The following GPC5 variants were observed in gnomAD, a reference collection of about 807,000 sequenced individuals.
The protein encoded by GPC5 is glypican 5, also known as glypican-5.
A neutral mutation model predicts 53.9 loss-of-function variants in GPC5; 47 were observed. The observed-to-expected ratio is 0.87, with a 90% CI of 0.69 to 1.11. The LOEUF (loss-of-function observed/expected upper bound fraction) is 1.11, where lower values mean the gene tolerates loss of function less well. Among genes scored for constraint, GPC5 ranks in the 50% most tolerant of loss-of-function variants. The probability of loss-of-function intolerance (pLI) is 0.00; values close to 1 mark genes in which losing one functional copy is unlikely to be tolerated. For missense variants in GPC5, 748 were observed against 713.1 expected (o/e 1.05, Z -0.56); for synonymous variants, 286 against 263.3 (o/e 1.09, Z -0.84).
intron 5 of GPC5, among the ~76,000 whole-genome samples, chr13:91,778,506 A>G (rs965605842): frequency 6.6e-6 from 1 of 152,100 alleles, no homozygotes; most frequent in African/African-American, 2.4e-5. Flanking sequence ...CCACCCATTT[A>G]GTTCTCTGTT....
intron 6 of GPC5, among the ~76,000 whole-genome samples, chr13:92,036,057 C>A (rs2040890745): frequency 1.3e-5 from 2 of 152,168 alleles, no homozygotes; most frequent in Non-Finnish European, 2.9e-5. Flanking sequence ...ATCACATCAA[C>A]CATATGTAAA....
At chr13:92,384,239 A>G (rs570073339) in intron 7 of GPC5, among the ~76,000 whole-genome samples, 1 of 152,166 alleles carries the variant, frequency 6.6e-6, no homozygotes, top group South Asian at 2.1e-4. Flanking sequence ...TTGTACAAGA[A>G]ATGGATGATT....
intron 2 of GPC5, among the ~76,000 whole-genome samples, chr13:91,660,678 A>G (rs1254790674): frequency 6.6e-6 from 1 of 152,220 alleles, no homozygotes; most frequent in African/African-American, 2.4e-5. Flanking sequence ...TAATCAGATC[A>G]CCAGGAAATT....
At chr13:92,268,809 C>T (rs2042820693) in intron 7 of GPC5, among the ~76,000 whole-genome samples, 2 of 152,118 alleles carry the variant, frequency 1.3e-5, no homozygotes, top group South Asian at 4.1e-4. Flanking sequence ...TATGTGAATA[C>T]TTTTTCTTAT....
chr13:92,266,468 G>T (rs2042803054), intron 7 of GPC5, among the ~76,000 whole-genome samples: 1 of 151,998 alleles, frequency 6.6e-6, no homozygotes, highest in South Asian at 2.1e-4. Flanking sequence ...CCCCATATAG[G>T]ATATAGGAAG....
intron 6 of GPC5, among the ~76,000 whole-genome samples, chr13:92,067,413 T>C (rs7997911): frequency 3.0e-3 from 452 of 152,158 alleles, no homozygotes; most frequent in African/African-American, 0.01. Context: ...ATCCCTTGTG[T>C]ATGCAAACAA....
intron 6 of GPC5, among the ~76,000 whole-genome samples, chr13:92,001,486 CT>C (rs938570687): frequency 6.6e-6 from 1 of 152,020 alleles, no homozygotes; most frequent in Non-Finnish European, 1.5e-5. Context: ...AAGTTTCTCT[CT>C]TGCCTACTTT....
At chr13:92,276,170 C>T (rs539909862) in intron 7 of GPC5, among the ~76,000 whole-genome samples, 1 of 152,226 alleles carries the variant, frequency 6.6e-6, no homozygotes, top group South Asian at 2.1e-4. Flanking sequence ...GCTGATACAA[C>T]ATAAAGCTGG....
chr13:92,859,704 G>C (rs1879117606), intron 7 of GPC5, among the ~76,000 whole-genome samples: 1 of 151,882 alleles, frequency 6.6e-6, no homozygotes, highest in African/African-American at 2.4e-5. Flanking sequence ...ATGCAAAAAT[G>C]ACCTTTTAAA....
chr13:92,430,510 T>C (rs1341817516), intron 7 of GPC5, among the ~76,000 whole-genome samples: 1 of 151,348 alleles, frequency 6.6e-6, no homozygotes, highest in African/African-American at 2.4e-5. Flanking sequence ...ATGTGTTTAC[T>C]TGAAACAGAC....
intron 7 of GPC5, among the ~76,000 whole-genome samples, chr13:92,774,632 A>G (rs1348702217): frequency 6.6e-6 from 1 of 152,184 alleles, no homozygotes. Flanking sequence ...GACTTCTCTT[A>G]ATCATCCATA....
chr13:91,974,740 G>A (rs2040281212), intron 6 of GPC5, among the ~76,000 whole-genome samples: 1 of 152,110 alleles, frequency 6.6e-6, no homozygotes, highest in Non-Finnish European at 1.5e-5. Context: ...AGTTACCAAT[G>A]ACTTTCCTCA....
intron 5 of GPC5, among the ~76,000 whole-genome samples, chr13:91,765,109 C>G (rs1439495142): frequency 1.3e-5 from 2 of 152,210 alleles, no homozygotes; most frequent in Non-Finnish European, 2.9e-5. Flanking sequence ...GCAGCTGCCT[C>G]TCTTTACTCT....
chr13:92,308,371 A>G (rs558506322), intron 7 of GPC5, among the ~76,000 whole-genome samples: 15 of 152,264 alleles, frequency 9.9e-5, no homozygotes, highest in African/African-American at 3.6e-4. Flanking sequence ...TAGAAGTGAC[A>G]TTTTGTTTTT....
At chr13:92,606,856 T>C (rs1489810945) in intron 7 of GPC5, among the ~76,000 whole-genome samples, 1 of 152,180 alleles carries the variant, frequency 6.6e-6, no homozygotes, top group Non-Finnish European at 1.5e-5. Flanking sequence ...AGTCTGGTAG[T>C]ACGGTACAAT....
At chr13:92,776,507 C>CA (rs1461064917) in intron 7 of GPC5, among the ~76,000 whole-genome samples, 1 of 152,196 alleles carries the variant, frequency 6.6e-6, no homozygotes, top group African/African-American at 2.4e-5. Flanking sequence ...GTAACACACT[C>CA]AGAGATTCTG....
chr13:91,653,143 C>G (rs1356813404), intron 2 of GPC5, among the ~76,000 whole-genome samples: 3 of 152,204 alleles, frequency 2.0e-5, no homozygotes, highest in South Asian at 4.1e-4. Flanking sequence ...GATGACAACT[C>G]CAGTAATGAG....
intron 7 of GPC5, among the ~76,000 whole-genome samples, chr13:92,264,321 C>T (rs1299851725): frequency 2.0e-5 from 3 of 152,086 alleles, no homozygotes; most frequent in Middle Eastern, 3.2e-3. Flanking sequence ...TTATGAACTA[C>T]CTTGTAAGAG....
At chr13:91,501,326 T>C (rs914094802) in intron 2 of GPC5, among the ~76,000 whole-genome samples, 2 of 150,694 alleles carry the variant, frequency 1.3e-5, no homozygotes, top group African/African-American at 4.9e-5. Flanking sequence ...ATATGTGCCA[T>C]GTTGGTGTGC....
Sources: allele counts gnomAD v4.1 joint callset (sites outside exome capture counted in the v4.1 genomes callset), GRCh38; gene constraint gnomAD v4.1.1; transcripts MANE v1.5; gene names NCBI Gene and HGNC (gene_info 2026-07-23, HGNC 2026-07-21).